MFN1: variants seen among roughly 807,000 people sequenced by gnomAD.
The protein encoded by MFN1 is mitofusin-1.
MFN1 carries 65 observed loss-of-function variants against 92.4 expected under a neutral mutation model. The observed-to-expected ratio is 0.70, with a 90% confidence interval of 0.58 to 0.86. The LOEUF is 0.86. Ranked by LOEUF, MFN1 falls within the 40% of genes least tolerant of loss-of-function variation. MFN1 has a pLI of 0.00. For missense variants in MFN1, 781 were observed against 868.0 expected (o/e 0.90, Z 1.26); for synonymous variants, 297 against 300.9 (o/e 0.99, Z 0.13).
At chr3:179,365,570 A>T (rs893331959) in intron 7 of MFN1, among the ~76,000 whole-genome samples, 6 of 152,190 alleles carry the variant, frequency 3.9e-5, no homozygotes, top group Non-Finnish European at 8.8e-5. Context: ...TGCCTGGCCA[A>T]ATTTTACAAA....
chr3:179,361,651 C>G (rs1358577716), intron 4 of MFN1, among the ~76,000 whole-genome samples: 1 of 151,524 alleles, frequency 6.6e-6, no homozygotes, highest in Non-Finnish European at 1.5e-5. Context: ...ATTCTCCTGT[C>G]TCCGCCTCCC....
rs369400581 is a variant in MFN1 at position 179,353,317 on chromosome 3, C to T, written c.248+1282C>T. Among the ~76,000 whole-genome samples the T allele has an allele frequency of 2.7e-4, 41 of 149,556 alleles. 1 individual carries two copies. In the South Asian group the frequency reaches 2.8e-3, roughly 10 times the overall value. The stretch of plus-strand genomic sequence containing the variant: ...CTGAGCCCAGGCAATCCGCCCACCT[C>T]GACCTCCCAAAGTGCTGGGATTACA... On this transcript the variant is annotated intron_variant, in intron 3 of 17. Coordinates refer to ENST00000471841, the MANE Select transcript of MFN1 (RefSeq NM_033540.3).
intron 9 of MFN1, among the ~76,000 whole-genome samples, chr3:179,372,160 G>A (rs747654785): frequency 2.7e-5 from 4 of 148,480 alleles, no homozygotes; most frequent in African/African-American, 7.4e-5. Context: ...TATCGAGCGC[G>A]AGTATGGAGG....
intron 2 of MFN1, among the ~76,000 whole-genome samples, chr3:179,349,878 G>A (rs1055586849): frequency 1.3e-5 from 2 of 151,756 alleles, no homozygotes; most frequent in Admixed American, 6.6e-5. Context: ...TCGGCCAGGC[G>A]CCCTGACTCA....
At chr3:179,359,719 C>T (rs1016238678) in intron 4 of MFN1, 24 of 150,274 alleles carry the variant, frequency 1.6e-4, no homozygotes, top group African/African-American at 5.6e-4. Context: ...GGATTATAGG[C>T]ATGCGCCACC....
intron 2 of MFN1, among the ~76,000 whole-genome samples, chr3:179,349,947 T>C (rs1712078389): frequency 6.6e-6 from 1 of 151,556 alleles, no homozygotes; most frequent in African/African-American, 2.4e-5. Flanking sequence ...AGGTTAGGAG[T>C]TCAAGACCAG....
At chr3:179,375,387 C>T in intron 10 of MFN1, 46 bp downstream of exon 10, 2 of 1,603,184 alleles carry the variant, frequency 1.2e-6, no homozygotes, top group Non-Finnish European at 1.7e-6. Flanking sequence ...GTTTTTTTGT[C>T]AGACTTTTGT....
chr3:179,353,995 T>G (rs942694983), intron 3 of MFN1, among the ~76,000 whole-genome samples: 1 of 152,264 alleles, frequency 6.6e-6, no homozygotes, highest in African/African-American at 2.4e-5. Context: ...TCTTAATGTC[T>G]TTCAACACTT....
chr3:179,385,810 C>T (rs1353735025), intron 15 of MFN1, 89 bp downstream of exon 15: 1 of 1,222,796 alleles, frequency 8.2e-7, no homozygotes, highest in Non-Finnish European at 1.2e-6. Context: ...ACAGTATTTA[C>T]TTCTATTTAT....
rs199859570 is a variant in MFN1, at chr3:179,368,121, G to T, written c.975+18G>T. 228 of 1,539,654 alleles carry T rather than the reference G, an allele frequency of 1.5e-4. No homozygotes were observed. In the African/African-American group the frequency reaches 2.9e-3, roughly 19 times the overall value. On this transcript the variant is annotated intron_variant, in intron 9 of 17. Coordinates refer to ENST00000471841, the MANE Select transcript of MFN1 (RefSeq NM_033540.3). Reference sequence around the variant, plus strand: ...TCTTTGAGGTAGGAATTTTGTGATTGTATTGCCTAATACAAAACTCTTTCT... The same window carrying T: ...TCTTTGAGGTAGGAATTTTGTGATTTTATTGCCTAATACAAAACTCTTTCT...
chr3:179,381,858 A>G (rs1313104786), intron 14 of MFN1, among the ~76,000 whole-genome samples: 1 of 152,210 alleles, frequency 6.6e-6, no homozygotes, highest in Non-Finnish European at 1.5e-5. Flanking sequence ...ATATTCAAAA[A>G]TCCTAAAAAA....
At chr3:179,362,201 T>A (rs1466401447) in intron 4 of MFN1, among the ~76,000 whole-genome samples, 157 bp from the exon 5 acceptor site, 1 of 152,250 alleles carries the variant, frequency 6.6e-6, no homozygotes, top group Non-Finnish European at 1.5e-5. Flanking sequence ...CTTGGAAATT[T>A]AAAAATTCAG....
At position 179,394,431 on chromosome 3, in the gene MFN1, TTTGA is replaced by T. The variant is rs1243612000; in HGVS notation, c.*2373_*2376del. ...AACTTTTTTTTTTTTTTTTTTTTTT[TTTGA>T]GACGGAGTCTCGCTCTGTCGCCCAG... On this transcript the variant is annotated 3_prime_UTR_variant, in exon 18 of 18. Coordinates refer to ENST00000471841, the MANE Select transcript of MFN1 (RefSeq NM_033540.3). The T allele has an allele frequency of 2.1e-5, 3 of 140,110 alleles. No individual in the cohort carries two copies. Among genetic ancestry groups the T allele is most frequent in the African/African-American group, 9.1e-5 (3 of 33,014 alleles). 8.7% of individuals were successfully genotyped at this position (140,110 alleles called of 1,614,324 possible). A position where few individuals can be genotyped will look rare whatever the true frequency, so the allele number is the denominator to read the frequency against.
intron 14 of MFN1, among the ~76,000 whole-genome samples, chr3:179,380,331 A>C (rs1713418359): frequency 6.6e-6 from 1 of 152,260 alleles, no homozygotes; most frequent in South Asian, 2.1e-4. Flanking sequence ...AAGGATGCAA[A>C]GAACAGAATA....
At chr3:179,391,470 ATACAG>A (rs1286146804) in intron 17 of MFN1, among the ~76,000 whole-genome samples, 1 of 152,204 alleles carries the variant, frequency 6.6e-6, no homozygotes, top group Non-Finnish European at 1.5e-5. Flanking sequence ...CAAGAAATAT[ATACAG>A]TAGAGTTCAG....
chr3:179,371,242 CATGCCAGTA>C (rs1336878110), intron 9 of MFN1, among the ~76,000 whole-genome samples: 2 of 152,106 alleles, frequency 1.3e-5, no homozygotes, highest in Admixed American at 1.3e-4. Flanking sequence ...ATTGGTGGCT[CATGCCAGTA>C]ATGCCAGTAC....
chr3:179,371,573 A>G (rs1229285974), intron 9 of MFN1, among the ~76,000 whole-genome samples: 1 of 152,212 alleles, frequency 6.6e-6, no homozygotes, highest in East Asian at 1.9e-4. Flanking sequence ...TTATTGTTTT[A>G]AAACTGTATT....
At position 179,349,534 on chromosome 3, in the gene MFN1, AGTCTT is replaced by A. The variant is rs1164326319; in HGVS notation, c.112+579_112+583del. ...CTTCTTTTTTTTTTTTTTGAGACAGAGTCTTGTCTTGTTGCCCAGGCTGGAGTGCA... is the reference window on the plus strand; with the variant it reads ...CTTCTTTTTTTTTTTTTTGAGACAGAGTCTTGTTGCCCAGGCTGGAGTGCA... On this transcript the variant is annotated intron_variant, in intron 2 of 17. Transcript: ENST00000471841. Among the ~76,000 whole-genome samples, 3 of 148,876 alleles carry A rather than the reference AGTCTT, an allele frequency of 2.0e-5. No individual in the cohort carries two copies. The South Asian group carries it at 6.4e-4, about 32-fold the overall frequency.
At chr3:179,355,622 C>T (rs1712318484) in intron 3 of MFN1, among the ~76,000 whole-genome samples, 1 of 152,052 alleles carries the variant, frequency 6.6e-6, no homozygotes, top group South Asian at 2.1e-4. Flanking sequence ...AAAACAATGA[C>T]AGCACTGGGG....
Sources: gnomAD v4.1 joint callset for allele counts (sites outside exome capture counted in the v4.1 genomes callset) on GRCh38, gnomAD v4.1.1 for gene constraint, MANE v1.5 for transcripts, NCBI Gene and HGNC (gene_info 2026-07-23, HGNC 2026-07-21) for gene names.